TYW1B: variants seen among roughly 807,000 people sequenced by gnomAD.
TYW1B encodes the protein S-adenosyl-L-methionine-dependent tRNA 4-demethylwyosine synthase TYW1B.
TYW1B carries 73 observed loss-of-function variants against 86.9 expected under a neutral mutation model. That is an observed-to-expected ratio of 0.84 (90% CI 0.70 to 1.02). The LOEUF (loss-of-function observed/expected upper bound fraction) is 1.02, where lower values mean the gene tolerates loss of function less well. Among genes scored for constraint, TYW1B ranks in the 50% least tolerant of loss-of-function variants. The pLI is 0.00. For missense variants in TYW1B, 637 were observed against 827.4 expected, an observed-to-expected ratio of 0.77 and a Z score of 2.82; for synonymous variants, 248 against 292.8, an observed-to-expected ratio of 0.85 and a Z score of 1.56.
In TYW1B at chr7:72,741,654, T is replaced by C. The variant is rs1419553053; in HGVS notation, c.1082+2830A>G. ...AAGAAGCTCAACAAACTCTAAGTAG[T>C]ACAAACACAAAGAGATCCATACCAA... On this transcript the variant is annotated intron_variant, in intron 8 of 13. Transcript: ENST00000620995. 2.6e-5 allele frequency among the ~76,000 whole-genome samples: 4 copies of C among 152,258 alleles called. No individual in the cohort carries two copies. In the South Asian group the frequency reaches 8.3e-4, roughly 32 times the overall value.
intron 8 of TYW1B, among the ~76,000 whole-genome samples, chr7:72,742,210 A>C (rs2844101): frequency 6.6e-5 from 10 of 151,924 alleles, no homozygotes; most frequent in African/African-American, 9.7e-5. Context: ...GCTCATTGCA[A>C]CCTCCACCTC....
intron 2 of TYW1B, among the ~76,000 whole-genome samples, chr7:72,817,268 G>A (rs1253761719): frequency 6.6e-6 from 1 of 152,046 alleles, no homozygotes; most frequent in African/African-American, 2.4e-5. Context: ...GCCGGGAGTG[G>A]TGGTGGGCAC....
At chr7:72,770,442 A>AG (rs1554469318) in intron 7 of TYW1B, among the ~76,000 whole-genome samples, 34 of 150,986 alleles carry the variant, frequency 2.3e-4, no homozygotes, top group South Asian at 8.4e-4. Context: ...AAAAAAAAAA[A>AG]AAAAGAAAAA....
At chr7:72,792,950 C>T (rs1198817326) in intron 6 of TYW1B, among the ~76,000 whole-genome samples, 1 of 152,152 alleles carries the variant, frequency 6.6e-6, no homozygotes, top group African/African-American at 2.4e-5. Flanking sequence ...TATTGTCAAA[C>T]TGAAAACTGT....
intron 8 of TYW1B, among the ~76,000 whole-genome samples, chr7:72,741,399 A>G (rs782223257): frequency 1.3e-5 from 2 of 152,190 alleles, no homozygotes; most frequent in Non-Finnish European, 2.9e-5. Flanking sequence ...GAAGTGGAAG[A>G]CAAATCAATT....
At chr7:72,721,594 A>T (rs114953886) in intron 9 of TYW1B, among the ~76,000 whole-genome samples, 1 of 151,848 alleles carries the variant, frequency 6.6e-6, no homozygotes. Flanking sequence ...GCTGTTTCCC[A>T]TTATCTCACA....
chr7:72,743,545 A>G (rs569435944), intron 8 of TYW1B, among the ~76,000 whole-genome samples: 5 of 152,250 alleles, frequency 3.3e-5, no homozygotes, highest in African/African-American at 1.2e-4. Context: ...TAAGTGAAGG[A>G]AAGAAATGGG....
chr7:72,682,053 T>C (rs1167073449), intron 11 of TYW1B, among the ~76,000 whole-genome samples: 1 of 151,766 alleles, frequency 6.6e-6, no homozygotes, highest in Non-Finnish European at 1.5e-5. Flanking sequence ...GATTTTTGTA[T>C]TTGTAGTAGA....
At chr7:72,585,814 T>A (rs146304875) in intron 13 of TYW1B, among the ~76,000 whole-genome samples, 1 of 152,222 alleles carries the variant, frequency 6.6e-6, no homozygotes, top group South Asian at 2.1e-4. Flanking sequence ...AATTACCCAA[T>A]CTCAGGTATG....
intron 10 of TYW1B, among the ~76,000 whole-genome samples, chr7:72,710,051 G>A (rs1201606176): frequency 6.6e-6 from 1 of 152,130 alleles, no homozygotes; most frequent in Admixed American, 6.5e-5. Context: ...AATGTGCCCG[G>A]CATTTTGCTG....
intron 11 of TYW1B, among the ~76,000 whole-genome samples, chr7:72,693,703 C>A (rs1170483405): frequency 6.6e-6 from 1 of 151,966 alleles, no homozygotes; most frequent in Non-Finnish European, 1.5e-5. Flanking sequence ...CCTGCAGACG[C>A]CTCTTTTAAG....
intron 11 of TYW1B, among the ~76,000 whole-genome samples, chr7:72,633,149 T>C (rs1323406568): frequency 2.0e-5 from 3 of 152,254 alleles, no homozygotes; most frequent in African/African-American, 7.2e-5. Context: ...GCCCCTTTCC[T>C]AGAAAGTTCT....
At chr7:72,767,098 GAAGACTCTACAAAATGAAA>G (rs1342513392) in intron 7 of TYW1B, among the ~76,000 whole-genome samples, 1 of 151,854 alleles carries the variant, frequency 6.6e-6, no homozygotes, top group Non-Finnish European at 1.5e-5. Flanking sequence ...TTGTGTGCCT[GAAGACTCTACAAAATGAAA>G]AAGACTCTAC....
At chr7:72,703,016 ATATATATATATTTT>A (rs1814519397) in intron 10 of TYW1B, among the ~76,000 whole-genome samples, 1 of 17,676 alleles carries the variant, frequency 5.7e-5, no homozygotes, top group African/African-American at 1.8e-4. Flanking sequence ...ATATATATAT[ATATATATATATTTT>A]TTTTTTTTTT....
chr7:72,779,980 T>C (rs1340296386), intron 6 of TYW1B, among the ~76,000 whole-genome samples: 5 of 152,134 alleles, frequency 3.3e-5, no homozygotes, highest in Non-Finnish European at 7.4e-5. Flanking sequence ...ATAGGGTTCT[T>C]AATTACACAT....
chr7:72,783,756 A>G (rs1455292457), intron 6 of TYW1B, among the ~76,000 whole-genome samples: 2 of 152,228 alleles, frequency 1.3e-5, no homozygotes, highest in African/African-American at 4.8e-5. Context: ...TGGATAACCT[A>G]CCTTAAGAAG....
intron 13 of TYW1B, among the ~76,000 whole-genome samples, chr7:72,615,377 C>T (rs1554436676): frequency 6.6e-6 from 1 of 152,224 alleles, no homozygotes; most frequent in Non-Finnish European, 1.5e-5. Context: ...CAGTTTGACA[C>T]AGCCATTTAA....
intron 11 of TYW1B, among the ~76,000 whole-genome samples, chr7:72,632,886 T>C (rs143523228): frequency 6.3e-3 from 963 of 152,090 alleles, no homozygotes; most frequent in African/African-American, 0.022. Context: ...TGCCTGAAGT[T>C]ACACAGCTGG....
At chr7:72,822,178 AAAAAAAGAAGAAGAAG>A (rs1348661017) in intron 2 of TYW1B, among the ~76,000 whole-genome samples, 13 of 150,078 alleles carry the variant, frequency 8.7e-5, no homozygotes, top group African/African-American at 3.2e-4. Flanking sequence ...AAAAAAAAAA[AAAAAAAGAAGAAGAAG>A]AAAAAAGAAG....
Sources: allele counts gnomAD v4.1 joint callset (sites outside exome capture counted in the v4.1 genomes callset), GRCh38; gene constraint gnomAD v4.1.1; transcripts MANE v1.5; gene names NCBI Gene and HGNC (gene_info 2026-07-23, HGNC 2026-07-21).